Variants in KIF13B observed in about 807,000 individuals in gnomAD.
KIF13B encodes kinesin-like protein KIF13B.
In KIF13B, 127 loss-of-function variants were observed where a neutral mutation model predicts 222.0. The ratio of observed to expected loss-of-function variants is 0.57; its 90% CI spans 0.50 to 0.66. The LOEUF is 0.66. Ranked by LOEUF, KIF13B falls within the 30% of genes least tolerant of loss-of-function variation. KIF13B has a pLI of 0.00. For synonymous variants in KIF13B, 976 were observed against 919.0 expected, an observed-to-expected ratio of 1.06 and a Z score of -1.12; for missense variants, 2,173 against 2,379.0, an observed-to-expected ratio of 0.91 and a Z score of 1.80.
At chr8:29,084,269 C>T (rs76252451) in intron 37 of KIF13B, among the ~76,000 whole-genome samples, 359 of 152,254 alleles carry the variant, frequency 2.4e-3, no homozygotes, top group Middle Eastern at 6.8e-3. Context: ...CACAAGGATA[C>T]GTGTTTATAT....
At chr8:29,218,624 T>C (rs1016345562) in intron 2 of KIF13B, among the ~76,000 whole-genome samples, 5 of 152,210 alleles carry the variant, frequency 3.3e-5, no homozygotes, top group African/African-American at 9.6e-5. Context: ...GGCTAAGAAT[T>C]TGCAAACAAA....
intron 18 of KIF13B, among the ~76,000 whole-genome samples, chr8:29,142,719 A>G (rs931008430): frequency 1.3e-5 from 2 of 152,064 alleles, no homozygotes; most frequent in East Asian, 3.9e-4. Context: ...CGTGCCTGTA[A>G]TGCCAGCTAC....
chr8:29,228,472 A>AAAAATATATATATAT lies in KIF13B; in HGVS notation c.149+16873_149+16874insATATATATATATTTT. Among the ~76,000 whole-genome samples, 89 of 117,084 alleles carry AAAAATATATATATAT rather than the reference A, an allele frequency of 7.6e-4. 3 individuals are homozygous for AAAAATATATATATAT. In the South Asian group the frequency reaches 8.9e-3, roughly 12 times the overall value. 76.8% of individuals were successfully genotyped at this position (117,084 alleles called of 152,430 possible). On this transcript the variant is annotated intron_variant, in intron 2 of 39. Coordinates refer to ENST00000524189, the MANE Select transcript of KIF13B (RefSeq NM_015254.4). ...ACAGAGCCAGACTCCATCTTAAAAAAATATATATATATATATATGAGATAC... is the reference window on the plus strand; with the variant it reads ...ACAGAGCCAGACTCCATCTTAAAAAAAAAATATATATATATATATATATATATATATATGAGATAC...
chr8:29,228,472 A>AAAAAATATATAT, intron 2 of KIF13B, among the ~76,000 whole-genome samples: 8,217 of 116,986 alleles, frequency 0.07, 686 homozygotes, highest in Non-Finnish European at 0.089. Context: ...ATCTTAAAAA[A>AAAAAATATATAT]ATATATATAT....
intron 2 of KIF13B, among the ~76,000 whole-genome samples, chr8:29,206,655 A>G (rs1268213588): frequency 6.6e-6 from 1 of 152,160 alleles, no homozygotes; most frequent in Non-Finnish European, 1.5e-5. Flanking sequence ...TTCAGCAAAT[A>G]TTTACAGTCT....
chr8:29,230,720 A>G (rs186530806), intron 2 of KIF13B, among the ~76,000 whole-genome samples: 9 of 152,330 alleles, frequency 5.9e-5, no homozygotes, highest in Admixed American at 3.9e-4. Flanking sequence ...CAAAGGCTCC[A>G]AGGAGAGGTG....
At chr8:29,142,743 G>T (rs1413985588) in intron 18 of KIF13B, among the ~76,000 whole-genome samples, 1 of 152,126 alleles carries the variant, frequency 6.6e-6, no homozygotes, top group Non-Finnish European at 1.5e-5. Context: ...GGAGGCTGAA[G>T]CACAAGAATT....
intron 26 of KIF13B, among the ~76,000 whole-genome samples, chr8:29,125,013 G>A (rs904509288): frequency 2.0e-5 from 3 of 152,092 alleles, no homozygotes; most frequent in Non-Finnish European, 2.9e-5. Flanking sequence ...TCACTCCACT[G>A]CACTATGGTC....
chr8:29,163,753 G>A (rs1254002434), intron 12 of KIF13B, among the ~76,000 whole-genome samples: 2 of 152,172 alleles, frequency 1.3e-5, no homozygotes. Flanking sequence ...GCCCCCAGAA[G>A]GGACCCCTGA....
At chr8:29,206,204 C>T (rs1464378197) in intron 2 of KIF13B, among the ~76,000 whole-genome samples, 2 of 152,172 alleles carry the variant, frequency 1.3e-5, no homozygotes, top group East Asian at 1.9e-4. Context: ...GCGGGAGGAT[C>T]GCTTGAGCCC....
chr8:29,148,869 T>A, intron 15 of KIF13B, 102 bp from the exon 16 acceptor site: 1 of 869,976 alleles, frequency 1.1e-6, no homozygotes, highest in Non-Finnish European at 1.8e-6. Flanking sequence ...GGATACCATG[T>A]AAGTACAAGG....
chr8:29,165,253 C>G (rs1811943896), intron 12 of KIF13B, among the ~76,000 whole-genome samples: 2 of 152,110 alleles, frequency 1.3e-5, no homozygotes, highest in African/African-American at 4.8e-5. Flanking sequence ...TCACATGGAA[C>G]CAAGAAGTTC....
At chr8:29,073,242 G>C (rs1807397311) in intron 38 of KIF13B, among the ~76,000 whole-genome samples, 1 of 151,994 alleles carries the variant, frequency 6.6e-6, no homozygotes, top group Non-Finnish European at 1.5e-5. Flanking sequence ...TGGAAAGCAG[G>C]TGCCATGTCA....
chr8:29,149,969 TAAAAAA>T (rs567688707), intron 15 of KIF13B, among the ~76,000 whole-genome samples: 2 of 150,920 alleles, frequency 1.3e-5, no homozygotes. Context: ...AAAAAATAAA[TAAAAAA>T]AAAGATAAAC....
At chr8:29,160,334 T>C (rs1252500840) in intron 13 of KIF13B, among the ~76,000 whole-genome samples, 5 of 152,224 alleles carry the variant, frequency 3.3e-5, no homozygotes, top group Non-Finnish European at 7.3e-5. Context: ...CTAAGAACTT[T>C]ATTTATACAT....
chr8:29,186,545 A>G, intron 5 of KIF13B, 73 bp from the exon 6 acceptor site: 2 of 1,301,834 alleles, frequency 1.5e-6, no homozygotes, highest in Middle Eastern at 1.9e-4. Context: ...TCCGTTGCTC[A>G]TAATAAACAC....
intron 1 of KIF13B, among the ~76,000 whole-genome samples, chr8:29,253,460 G>A (rs917148572): frequency 6.6e-6 from 1 of 152,032 alleles, no homozygotes; most frequent in Non-Finnish European, 1.5e-5. Context: ...GGAGGCTGAG[G>A]TGGGAAGACA....
rs915188022 is a variant in KIF13B at position 29,071,350 on chromosome 8, G to T, written c.5218+270C>A. Among the ~76,000 whole-genome samples, 3 of 152,114 alleles carry T rather than the reference G, an allele frequency of 2.0e-5. No individual in the cohort carries two copies. Among genetic ancestry groups the T allele is most frequent in the Non-Finnish European group, 4.4e-5 (3 of 68,008 alleles). Reference sequence around the variant, plus strand: ...GGAGTGCAGAGGGCAGGGGAGACCGGAACAAAAGCGGGAACAGCCATGGCG... The same window carrying T: ...GGAGTGCAGAGGGCAGGGGAGACCGTAACAAAAGCGGGAACAGCCATGGCG... On this transcript the variant is annotated intron_variant, in intron 39 of 39. Transcript: ENST00000524189. This position sits in a 1 kb window ranked among gnomAD's most constrained non-coding sequence, Gnocchi z 4.9.
chr8:29,131,370 G>C (rs971032690), intron 23 of KIF13B, among the ~76,000 whole-genome samples: 1 of 151,590 alleles, frequency 6.6e-6, no homozygotes, highest in African/African-American at 2.4e-5. Context: ...AGCAAATACA[G>C]GGGTTGTCTT....
Sources: gnomAD v4.1 joint callset for allele counts (sites outside exome capture counted in the v4.1 genomes callset) on GRCh38, gnomAD v4.1.1 for gene constraint, Gnocchi (gnomAD v3.1) non-coding constraint, MANE v1.5 for transcripts, NCBI Gene and HGNC (gene_info 2026-07-23, HGNC 2026-07-21) for gene names.